Variants in DOCK2 observed in about 807,000 individuals in gnomAD.
The protein encoded by DOCK2 is dedicator of cytokinesis 2.
A neutral mutation model predicts 248.9 loss-of-function variants in DOCK2; 87 were observed. That is an observed-to-expected ratio of 0.35 (90% CI 0.29 to 0.42). The LOEUF (loss-of-function observed/expected upper bound fraction) is 0.42, where lower values mean the gene tolerates loss of function less well. Ranked by LOEUF, DOCK2 falls within the 10% of genes least tolerant of loss-of-function variation. The probability of loss-of-function intolerance (pLI) is 1.00; values close to 1 mark genes in which losing one functional copy is unlikely to be tolerated. For missense variants in DOCK2, 1,747 were observed against 2,300.2 expected, an observed-to-expected ratio of 0.76 and a Z score of 4.92; for synonymous variants, 805 against 821.6, an observed-to-expected ratio of 0.98 and a Z score of 0.35.
chr5:169,884,661 T>C (rs1423949017), intron 27 of DOCK2: 1 of 152,364 alleles, frequency 6.6e-6, no homozygotes, highest in Non-Finnish European at 1.5e-5. Context: ...GGGGATTCAG[T>C]GGGCAGAGTC....
chr5:169,692,160 C>A (rs1760342650), intron 9 of DOCK2, among the ~76,000 whole-genome samples: 1 of 152,254 alleles, frequency 6.6e-6, no homozygotes, highest in South Asian at 2.1e-4. Flanking sequence ...GGCCCTTTCC[C>A]TCTGTTTTGT....
intron 27 of DOCK2, among the ~76,000 whole-genome samples, chr5:169,933,563 C>T (rs1008227999): frequency 1.3e-5 from 2 of 152,206 alleles, no homozygotes; most frequent in Non-Finnish European, 2.9e-5. Context: ...TGCTTATTTG[C>T]CCACTTTTCA....
intron 8 of DOCK2, 25 bp from the exon 9 acceptor site, chr5:169,689,227 C>T (rs774507517): frequency 3.3e-5 from 53 of 1,609,610 alleles, no homozygotes; most frequent in South Asian, 2.6e-4. Flanking sequence ...TTGGCAGTAA[C>T]GGGCTGCCAC....
At chr5:169,830,161 G>A (rs536663716) in intron 26 of DOCK2, among the ~76,000 whole-genome samples, 1 of 152,306 alleles carries the variant, frequency 6.6e-6, no homozygotes, top group African/African-American at 2.4e-5. Context: ...CAGTTCTGTG[G>A]CTCTGGACAA....
intron 25 of DOCK2, among the ~76,000 whole-genome samples, chr5:169,785,443 G>C (rs1319307987): frequency 6.6e-6 from 1 of 152,080 alleles, no homozygotes; most frequent in Non-Finnish European, 1.5e-5. Context: ...ACACATTTTA[G>C]AGATTAGCAT....
chr5:170,023,611 C>A (rs1309225788), intron 33 of DOCK2, among the ~76,000 whole-genome samples: 1 of 152,100 alleles, frequency 6.6e-6, no homozygotes, highest in African/African-American at 2.4e-5. Context: ...TGAATTGGAA[C>A]GATTAGAGAC....
At chr5:169,645,948 A>G (rs1757433643) in intron 1 of DOCK2, among the ~76,000 whole-genome samples, 1 of 151,814 alleles carries the variant, frequency 6.6e-6, no homozygotes, top group Non-Finnish European at 1.5e-5. Flanking sequence ...ACGGGGTTTC[A>G]CCGTGTTAGC....
intron 29 of DOCK2, among the ~76,000 whole-genome samples, chr5:169,995,445 G>GA (rs1178178692): frequency 1.3e-5 from 2 of 151,984 alleles, no homozygotes; most frequent in Non-Finnish European, 2.9e-5. Flanking sequence ...AAAAAACTGA[G>GA]AAAAAAACCC....
intron 1 of DOCK2, among the ~76,000 whole-genome samples, chr5:169,647,831 A>G (rs1266265624): frequency 6.6e-6 from 1 of 152,082 alleles, no homozygotes; most frequent in Non-Finnish European, 1.5e-5. Context: ...CTTGCAGTTT[A>G]GCCTTTCACT....
intron 27 of DOCK2, among the ~76,000 whole-genome samples, chr5:169,856,389 C>T (rs1425228171): frequency 6.6e-6 from 1 of 152,108 alleles, no homozygotes; most frequent in Non-Finnish European, 1.5e-5. Context: ...AGATAAGGGG[C>T]TTGATGACTG....
chr5:169,666,406 A>G (rs6879467), intron 2 of DOCK2, among the ~76,000 whole-genome samples: 90,542 of 152,000 alleles, frequency 0.6, 27,315 homozygotes, highest in South Asian at 0.73. Context: ...TTATCTCATG[A>G]AAACGGTTAG....
chr5:169,952,786 C>T lies in DOCK2; in HGVS notation c.2800-30282C>T, dbSNP rs371235479. 1.8e-3 allele frequency among the ~76,000 whole-genome samples: 277 copies of T among 152,190 alleles called. 6 individuals are homozygous for T. In the South Asian group the frequency reaches 0.048, roughly 26 times the overall value. ...TTTGATGCCGTTTCAATCCAGGGTA[C>T]AGAGTTGCCACATGGAGAGTGAAGC... On this transcript the variant is annotated intron_variant, in intron 27 of 51. Transcript: ENST00000520908.
chr5:169,733,858 T>A (rs1762907759), intron 22 of DOCK2, among the ~76,000 whole-genome samples: 1 of 152,192 alleles, frequency 6.6e-6, no homozygotes, highest in Non-Finnish European at 1.5e-5. Flanking sequence ...TTCACCATGA[T>A]GTACTTAGGA....
At chr5:170,003,902 C>T (rs1754926240) in intron 30 of DOCK2, among the ~76,000 whole-genome samples, 2 of 152,318 alleles carry the variant, frequency 1.3e-5, no homozygotes, top group Admixed American at 1.3e-4. Context: ...TTCCAGAAGT[C>T]ATTCCCACAG....
At chr5:169,804,745 A>G (rs1477543653) in intron 26 of DOCK2, among the ~76,000 whole-genome samples, 1 of 152,206 alleles carries the variant, frequency 6.6e-6, no homozygotes, top group Non-Finnish European at 1.5e-5. Flanking sequence ...TAGAGCAAAT[A>G]AATGTCAGGG....
At chr5:170,048,747 C>T (rs1756806413) in intron 40 of DOCK2, among the ~76,000 whole-genome samples, 1 of 152,098 alleles carries the variant, frequency 6.6e-6, no homozygotes. Context: ...CTCAAGTGTC[C>T]CTGGAGCACA....
intron 34 of DOCK2, among the ~76,000 whole-genome samples, chr5:170,033,680 T>C (rs1341570018): frequency 1.3e-5 from 2 of 152,200 alleles, no homozygotes; most frequent in African/African-American, 4.8e-5. Flanking sequence ...AAAAGTCCCA[T>C]CTCATAAAAT....
intron 26 of DOCK2, among the ~76,000 whole-genome samples, chr5:169,812,369 G>A (rs901706420): frequency 1.3e-5 from 2 of 152,166 alleles, no homozygotes; most frequent in Non-Finnish European, 1.5e-5. Context: ...TCTAGTTGCA[G>A]GAATACAAGC....
intron 32 of DOCK2, among the ~76,000 whole-genome samples, chr5:170,011,488 C>CAAA (rs11382563): frequency 3.0e-4 from 46 of 151,748 alleles, no homozygotes; most frequent in African/African-American, 9.7e-4. Flanking sequence ...GGGTTGGTTG[C>CAAA]AAAAAAAAGG....
Sources: gnomAD v4.1 joint callset for allele counts (sites outside exome capture counted in the v4.1 genomes callset) on GRCh38, gnomAD v4.1.1 for gene constraint, MANE v1.5 for transcripts, NCBI Gene and HGNC (gene_info 2026-07-23, HGNC 2026-07-21) for gene names.